Variants in MAP3K3 observed in about 807,000 individuals in gnomAD.
The protein encoded by MAP3K3 is mitogen-activated protein kinase kinase kinase 3, also known as MAP/ERK kinase kinase 3.
MAP3K3 carries 12 observed loss-of-function variants against 80.9 expected under a neutral mutation model. That is an observed-to-expected ratio of 0.15 (90% CI 0.10 to 0.24). The LOEUF is 0.24. MAP3K3 is among the 10% of genes least tolerant of loss of function. The pLI is 1.00. For synonymous variants in MAP3K3, 272 were observed against 307.1 expected (o/e 0.89, Z 1.19); for missense variants, 596 against 834.7 (o/e 0.71, Z 3.52).
intron 1 of MAP3K3, among the ~76,000 whole-genome samples, chr17:63,625,657 A>G (rs1047690118): frequency 6.6e-6 from 1 of 152,200 alleles, no homozygotes; most frequent in African/African-American, 2.4e-5. Context: ...CTGACCACCT[A>G]TGTAGACTCT....
At chr17:63,658,853 G>A (rs2034826629) in intron 5 of MAP3K3, among the ~76,000 whole-genome samples, 2 of 151,576 alleles carry the variant, frequency 1.3e-5, no homozygotes, top group African/African-American at 2.4e-5. Context: ...TCCTGCTTCA[G>A]CCTCTCGAGT....
intron 8 of MAP3K3, among the ~76,000 whole-genome samples, chr17:63,687,992 A>C (rs1425210621): frequency 1.3e-5 from 2 of 151,944 alleles, no homozygotes; most frequent in African/African-American, 4.8e-5. Flanking sequence ...TATACATAGG[A>C]CTGTGTGTGC....
intron 1 of MAP3K3, among the ~76,000 whole-genome samples, chr17:63,631,899 T>C (rs75100812): frequency 9.2e-4 from 140 of 152,324 alleles, no homozygotes; most frequent in Non-Finnish European, 1.6e-3. Context: ...AAACAACTTC[T>C]GTTCAAAGCA....
Position 63,692,922 on chromosome 17 carries a change from G to A in MAP3K3, c.1652+503G>A, listed in dbSNP as rs984516188. On this transcript the variant is annotated intron_variant, in intron 15 of 15. Transcript: ENST00000361733. This position sits in a 1 kb window ranked among gnomAD's most constrained non-coding sequence, Gnocchi z 4.5. ...TAAATGTGATTGTATATAGCAAAGG[G>A]CCTTTGCAGATAGGATTAGGTTAAG... is the stretch of plus-strand genomic sequence containing the variant. 1.3e-5 allele frequency among the ~76,000 whole-genome samples: 2 copies of A among 152,222 alleles called. No individual in the cohort carries two copies. The highest frequency in any genetic ancestry group is 6.5e-5 in the Admixed American group (1 of 15,278).
chr17:63,683,337 T>G (rs1372797108), intron 7 of MAP3K3, among the ~76,000 whole-genome samples: 1 of 152,196 alleles, frequency 6.6e-6, no homozygotes, highest in South Asian at 2.1e-4. Flanking sequence ...TTTTTGGGCA[T>G]TTTACTGACC....
In MAP3K3 at chr17:63,688,944, G is replaced by T. The variant is rs867873429; in HGVS notation, c.871+63G>T. ...AAGAAAGGACAAGTTGCCATGGGGA[G>T]GGTGGGTTCGTCCATGCAGTGCCTG... On this transcript the variant is annotated intron_variant, in intron 10 of 15. Transcript: ENST00000361733. 7 of 1,267,866 alleles carry T rather than the reference G, an allele frequency of 5.5e-6. No homozygotes were observed. The Middle Eastern group carries it at 1.3e-3, about 235-fold the overall frequency. 78.5% of individuals were successfully genotyped at this position (1,267,866 alleles called of 1,614,324 possible). A position where few individuals can be genotyped will look rare whatever the true frequency, so the allele number is the denominator to read the frequency against.
chr17:63,652,404 GGAAAAAAGGAAACAATC>G (rs1300971203), intron 3 of MAP3K3, among the ~76,000 whole-genome samples, 136 bp from the exon 4 acceptor site: 1 of 151,812 alleles, frequency 6.6e-6, no homozygotes, highest in East Asian at 1.9e-4. Flanking sequence ...GTAGAGAAGA[GGAAAAAAGGAAACAATC>G]GGGAAAAGGC....
At chr17:63,626,334 T>A (rs902439481) in intron 1 of MAP3K3, among the ~76,000 whole-genome samples, 1 of 152,156 alleles carries the variant, frequency 6.6e-6, no homozygotes, top group East Asian at 1.9e-4. Flanking sequence ...ATGTAAACAA[T>A]TAAGTGCAAA....
intron 6 of MAP3K3, among the ~76,000 whole-genome samples, chr17:63,670,045 G>A (rs2035072364): frequency 6.6e-6 from 1 of 151,738 alleles, no homozygotes; most frequent in Non-Finnish European, 1.5e-5. Flanking sequence ...AGAGGTTTCA[G>A]TGAGCCATGA....
intron 1 of MAP3K3, among the ~76,000 whole-genome samples, chr17:63,629,162 C>T (rs981564831): frequency 6.6e-6 from 1 of 151,570 alleles, no homozygotes; most frequent in Non-Finnish European, 1.5e-5. Context: ...CTCGCCCTGT[C>T]GCCATGCTGG....
chr17:63,669,693 C>T (rs141877905), intron 6 of MAP3K3, among the ~76,000 whole-genome samples: 4 of 152,280 alleles, frequency 2.6e-5, no homozygotes, highest in African/African-American at 7.2e-5. Flanking sequence ...CCTCAGATGA[C>T]CACCTGCCTC....
At chr17:63,660,586 C>T (rs2034869407) in intron 5 of MAP3K3, among the ~76,000 whole-genome samples, 1 of 149,614 alleles carries the variant, frequency 6.7e-6, no homozygotes, top group South Asian at 2.1e-4. Context: ...TCTTCTTCTT[C>T]TTCTTTTCTT....
rs576635956 is a variant in MAP3K3 at position 63,692,522 on chromosome 17, G to T, written c.1652+103G>T. 101 of 1,203,656 alleles carry T rather than the reference G, an allele frequency of 8.4e-5. 1 individual carries two copies. The Middle Eastern group carries it at 1.1e-3, about 14-fold the overall frequency. 74.6% of individuals were successfully genotyped at this position (1,203,656 alleles called of 1,614,324 possible). A position where few individuals can be genotyped will look rare whatever the true frequency, so the allele number is the denominator to read the frequency against. On this transcript the variant is annotated intron_variant, in intron 15 of 15. Transcript: ENST00000361733. This position sits in a 1 kb window ranked among gnomAD's most constrained non-coding sequence, Gnocchi z 4.5. ...TTTGTGGTGTGGCAGGAGGGAGTGTGCCCAGGGCCCAGGCTGCAGTGTGTG... is the reference window on the plus strand; with the variant it reads ...TTTGTGGTGTGGCAGGAGGGAGTGTTCCCAGGGCCCAGGCTGCAGTGTGTG...
chr17:63,671,377 T>C (rs2035105351), intron 6 of MAP3K3, among the ~76,000 whole-genome samples: 1 of 151,584 alleles, frequency 6.6e-6, no homozygotes, highest in Non-Finnish European at 1.5e-5. Flanking sequence ...TGCCTCAGCC[T>C]CCCAAGTAGC....
rs1462101928 is a variant in MAP3K3, at chr17:63,689,102, A to G, written c.871+221A>G. On this transcript the variant is annotated intron_variant, in intron 10 of 15. Transcript: ENST00000361733. The surrounding 1 kb of genome is among the most constrained non-coding windows in gnomAD (Gnocchi z 4.3). Reference sequence around the variant, plus strand: ...CACTGGGAACTCTGACCTTGTTTGAAGCCAGTGGTGTGCTCCAGGGGCACC... The same window carrying G: ...CACTGGGAACTCTGACCTTGTTTGAGGCCAGTGGTGTGCTCCAGGGGCACC... The G allele has an allele frequency of 1.7e-6, 1 of 591,106 alleles. No homozygotes were observed. Among genetic ancestry groups the G allele is most frequent in the Non-Finnish European group, 3.0e-6 (1 of 333,146 alleles). 36.6% of individuals were successfully genotyped at this position (591,106 alleles called of 1,614,324 possible).
intron 6 of MAP3K3, among the ~76,000 whole-genome samples, chr17:63,680,787 TTTTTGGGTG>T (rs1385959047): frequency 2.0e-5 from 3 of 151,408 alleles, no homozygotes; most frequent in Non-Finnish European, 2.9e-5. Flanking sequence ...TAAATAATTG[TTTTTGGGTG>T]TTTTGGGTTT....
chr17:63,684,757 C>G (rs2143580139), intron 7 of MAP3K3, among the ~76,000 whole-genome samples: 1 of 152,226 alleles, frequency 6.6e-6, no homozygotes, highest in South Asian at 2.1e-4. Flanking sequence ...TCCCAAAGTG[C>G]TAGGATTACA....
intron 4 of MAP3K3, among the ~76,000 whole-genome samples, 169 bp downstream of exon 4, chr17:63,652,825 A>G (rs981111492): frequency 2.0e-5 from 3 of 152,166 alleles, no homozygotes; most frequent in Non-Finnish European, 4.4e-5. Context: ...GTTTTTTACT[A>G]CATGGGAGAT....
chr17:63,622,713 G>A lies in MAP3K3; in HGVS notation c.-47G>A. On this transcript the variant is annotated 5_prime_UTR_variant, in exon 1 of 16. Transcript: ENST00000361733. Reference sequence around the variant, plus strand: ...GCCCCCGGCATGCAGCCCCGGCTGCGGAGGTGACACTCACGGACCTTAGCC... The same window carrying A: ...GCCCCCGGCATGCAGCCCCGGCTGCAGAGGTGACACTCACGGACCTTAGCC... 2.2e-6 allele frequency: 1 copy of A among 464,748 alleles called. No individual in the cohort carries two copies. The highest frequency in any genetic ancestry group is 4.2e-6 in the Non-Finnish European group (1 of 239,336). The allele number at this position is 464,748 out of a possible 1,614,324, so 28.8% of individuals were successfully genotyped here.
Sources: allele counts gnomAD v4.1 joint callset (sites outside exome capture counted in the v4.1 genomes callset), GRCh38; gene constraint gnomAD v4.1.1; non-coding constraint Gnocchi (gnomAD v3.1); transcripts MANE v1.5; gene names NCBI Gene and HGNC (gene_info 2026-07-23, HGNC 2026-07-21).